Variants in ACTR8 observed in about 807,000 individuals in gnomAD.
The protein encoded by ACTR8 is actin-related protein 8.
ACTR8 carries 70 observed loss-of-function variants against 84.3 expected under a neutral mutation model. The ratio of observed to expected loss-of-function variants is 0.83; its 90% confidence interval spans 0.68 to 1.01. The LOEUF is 1.01. ACTR8 is among the 50% of genes least tolerant of loss of function. The probability of loss-of-function intolerance (pLI) is 0.00; values close to 1 mark genes in which losing one functional copy is unlikely to be tolerated. For synonymous variants in ACTR8, 268 were observed against 275.2 expected (o/e 0.97, Z 0.26); for missense variants, 672 against 775.4 (o/e 0.87, Z 1.58).
chr3:53,871,444 T>G lies in ACTR8; in HGVS notation c.1355A>C (p.Glu452Ala). Residue 452 changes from glutamate (E) to alanine (A), a missense_variant, in exon 11 of 13, where the codon GAA (glutamate) becomes GCA (alanine). Physicochemically the swap from Glu to Ala is moderately radical, Grantham distance 107. Transcript: ENST00000335754. ...RKSASKPIGFEGDLRGQSSDL... is the reference protein window; with the variant it reads ...RKSASKPIGFAGDLRGQSSDL... ...AGAGGACTGGCCACGAAGATCCCCT[T>G]CAAATCCAATAGGTTTGGATGCAGA... 1 of 1,614,198 alleles carries G rather than the reference T, an allele frequency of 6.2e-7. No individual in the cohort carries two copies. Among genetic ancestry groups the G allele is most frequent in the Non-Finnish European group, 8.5e-7 (1 of 1,180,034 alleles).
chr3:53,872,554 A>G (rs746972047), intron 9 of ACTR8, 30 bp from the exon 10 acceptor site: 13 of 1,546,044 alleles, frequency 8.4e-6, no homozygotes, highest in Non-Finnish European at 1.1e-5. Flanking sequence ...GTGATCAACA[A>G]AAGATACTGC....
intron 8 of ACTR8, 168 bp from the exon 9 acceptor site, chr3:53,873,295 G>T (rs1699916399): frequency 4.5e-6 from 2 of 448,664 alleles, no homozygotes; most frequent in Non-Finnish European, 8.0e-6. Context: ...GTTGTACTTT[G>T]TTCCCCTATT....
rs1023673599 is a variant in ACTR8 at position 53,878,394 on chromosome 3, G to A, written c.368C>T (p.Ser123Phe). ...VDQAIWSKKM[S>F]NGTRRIPVSP... ...CACAGGAATGCGTCTTGTACCATTG[G>A]ACATCTTTTTAGACCATATTGCTTG... The change falls in exon 3 of 13, where the codon TCC becomes TTC. Residue 123 changes from serine (S) to phenylalanine (F), a missense_variant. By Grantham distance (155) the Ser-to-Phe change is radical (BLOSUM62 -2). Coordinates refer to ENST00000335754, the MANE Select transcript of ACTR8 (RefSeq NM_022899.5). 1 of 1,613,292 alleles carries A rather than the reference G, an allele frequency of 6.2e-7. No homozygotes were observed. The highest frequency in any genetic ancestry group is 8.5e-7 in the Non-Finnish European group (1 of 1,179,724).
intron 7 of ACTR8, among the ~76,000 whole-genome samples, chr3:53,875,236 C>T (rs372560694): frequency 1.2e-4 from 19 of 152,220 alleles, no homozygotes; most frequent in Admixed American, 3.3e-4. Context: ...GAACTTGGGG[C>T]GGGAGGCAGC....
the ACTR8 span, chr3:53,860,422 G>T: frequency 2.4e-6 from 1 of 419,136 alleles, no homozygotes; most frequent in African/African-American, 2.0e-5. Flanking sequence ...GTGAAAGCAG[G>T]GTCAGGACTT....
At chr3:53,881,876 G>A (rs1700067887) in intron 1 of ACTR8, 103 bp downstream of exon 1, 35 of 1,517,462 alleles carry the variant, frequency 2.3e-5, no homozygotes, top group Admixed American at 7.9e-5. Flanking sequence ...CAGGGGCTGG[G>A]GCCTGCAAGG....
intron 11 of ACTR8, 128 bp downstream of exon 11, chr3:53,871,104 G>C: frequency 7.5e-7 from 1 of 1,332,090 alleles, no homozygotes; most frequent in South Asian, 1.5e-5. Context: ...GGCAATGCAA[G>C]CCAAGTAGGC....
chr3:53,871,069 C>G, intron 11 of ACTR8, 163 bp downstream of exon 11: 1 of 1,005,096 alleles, frequency 9.9e-7, no homozygotes. Flanking sequence ...ACCCATCCTA[C>G]TTCGTTAATG....
chr3:53,875,824 T>C, intron 7 of ACTR8, 124 bp downstream of exon 7: 1 of 1,401,430 alleles, frequency 7.1e-7, no homozygotes. Context: ...CTTGCTGGTT[T>C]ACCATGCAGA....
At chr3:53,873,873 G>A (rs1261486184) in intron 8 of ACTR8, among the ~76,000 whole-genome samples, 3 of 152,150 alleles carry the variant, frequency 2.0e-5, no homozygotes, top group African/African-American at 7.2e-5. Flanking sequence ...CGCCGAGGCT[G>A]GAGTGCAGTG....
At chr3:53,877,613 C>T in intron 4 of ACTR8, 34 bp downstream of exon 4, 1 of 1,584,224 alleles carries the variant, frequency 6.3e-7, no homozygotes, top group Non-Finnish European at 8.7e-7. Flanking sequence ...ATCAGCTTCC[C>T]CTTCTTTCAT....
chr3:53,865,137 CTACTT>C, downstream of ACTR8: 1 of 1,614,138 alleles, frequency 6.2e-7, no homozygotes, highest in Non-Finnish European at 8.5e-7. Context: ...ACGTGGTGGT[CTACTT>C]TAGAGAGATT....
downstream of ACTR8, chr3:53,865,260 A>G (rs1470995167): frequency 6.2e-7 from 1 of 1,611,434 alleles, no homozygotes; most frequent in Admixed American, 1.7e-5. Context: ...AGCAGGTGTC[A>G]GCAGGAAAAA....
At position 53,877,409 on chromosome 3, in the gene ACTR8, G is replaced by A. The variant is rs1415448118; in HGVS notation, c.511-22C>T. The A allele has an allele frequency of 2.5e-6, 4 of 1,570,132 alleles. No homozygotes were observed. In the African/African-American group the frequency reaches 4.1e-5, roughly 16 times the overall value. On this transcript the variant is annotated intron_variant, in intron 4 of 12. Coordinates refer to ENST00000335754, the MANE Select transcript of ACTR8 (RefSeq NM_022899.5). ...AGGCCTAGAAAAGGAGGAGGGAGAT[G>A]AGTACTTTGTTAAAACTTTTCTCTC... is the stretch of plus-strand genomic sequence containing the variant.
chr3:53,865,370 C>T (rs563882862), downstream of ACTR8: 33 of 1,316,218 alleles, frequency 2.5e-5, no homozygotes, highest in African/African-American at 4.4e-5. Context: ...AGGGAAAAAA[C>T]GTGTGATGAT....
downstream of ACTR8, chr3:53,865,052 A>G (rs954661861): frequency 6.2e-7 from 1 of 1,613,912 alleles, no homozygotes; most frequent in African/African-American, 1.3e-5. Context: ...CCCAGTGAGA[A>G]CTCTCAAGAC....
rs1481753298 is a variant in ACTR8, at chr3:53,873,070, G to A, written c.1123C>T (p.Leu375=). ...TCTCCTAATCGAAACTGGTAAAGCA[G>A]GGCAGGAGAATCAGGATGTCGAATC... is the stretch of plus-strand genomic sequence containing the variant. ...FQIRHPDSPA[L]LYQFRLGDEK... Residue 375 remains leucine, a synonymous_variant, in exon 9 of 13, where the codon CTG becomes TTG. Coordinates refer to ENST00000335754, the MANE Select transcript of ACTR8 (RefSeq NM_022899.5). The A allele has an allele frequency of 1.2e-6, 2 of 1,612,002 alleles. No individual in the cohort carries two copies. The highest frequency in any genetic ancestry group is 1.7e-6 in the Non-Finnish European group (2 of 1,178,826).
At chr3:53,860,936 TGA>T in the ACTR8 span, 1 of 152,208 alleles carries the variant, frequency 6.6e-6, no homozygotes, top group Admixed American at 6.5e-5. Context: ...CATTCACAGT[TGA>T]GAGAAACGTG....
At chr3:53,864,885 G>A, downstream of ACTR8, 2 of 1,614,194 alleles carry the variant, frequency 1.2e-6, no homozygotes, top group South Asian at 1.1e-5. Flanking sequence ...GCAGAAGTGA[G>A]GTCATCCTTG....
Sources: allele counts gnomAD v4.1 joint callset (sites outside exome capture counted in the v4.1 genomes callset), GRCh38; gene constraint gnomAD v4.1.1; transcripts MANE v1.5; gene names NCBI Gene and HGNC (gene_info 2026-07-23, HGNC 2026-07-21).